The following NUBPL variants were observed in gnomAD, a reference collection of about 807,000 sequenced individuals.
The protein encoded by NUBPL is iron-sulfur cluster transfer protein NUBPL.
In NUBPL, 31 loss-of-function variants were observed where a neutral mutation model predicts 45.7. The observed-to-expected ratio is 0.68, with a 90% CI of 0.51 to 0.92. The LOEUF is 0.92. Ranked by LOEUF, NUBPL falls within the 40% of genes least tolerant of loss-of-function variation. The pLI is 0.00. For synonymous variants in NUBPL, 144 were observed against 140.9 expected (o/e 1.02, Z -0.15); for missense variants, 401 against 398.7 (o/e 1.01, Z -0.05).
chr14:31,799,317 C>G (rs1377499977), intron 7 of NUBPL, among the ~76,000 whole-genome samples: 1 of 152,072 alleles, frequency 6.6e-6, no homozygotes, highest in African/African-American at 2.4e-5. Flanking sequence ...CATTCATTAT[C>G]TTATTTGATC....
At chr14:31,680,550 T>A (rs1469189661) in intron 6 of NUBPL, among the ~76,000 whole-genome samples, 1 of 152,264 alleles carries the variant, frequency 6.6e-6, no homozygotes, top group South Asian at 2.1e-4. Context: ...CTGATGTTAA[T>A]GTTTTCTTGA....
At chr14:31,616,497 G>GTTT (rs72526360) in intron 4 of NUBPL, among the ~76,000 whole-genome samples, 2 of 150,848 alleles carry the variant, frequency 1.3e-5, no homozygotes, top group African/African-American at 4.9e-5. Context: ...TGGCTAGCCA[G>GTTT]TTTTTTTTTA....
At chr14:31,691,390 G>A (rs924526438) in intron 6 of NUBPL, among the ~76,000 whole-genome samples, 15 of 152,132 alleles carry the variant, frequency 9.9e-5, no homozygotes, top group Admixed American at 9.2e-4. Flanking sequence ...TATTGGTAAG[G>A]CTTCTGATCA....
At chr14:31,736,669 G>A (rs1335934809) in intron 6 of NUBPL, among the ~76,000 whole-genome samples, 1 of 152,124 alleles carries the variant, frequency 6.6e-6, no homozygotes, top group African/African-American at 2.4e-5. Flanking sequence ...ACATCCATGT[G>A]TATGTTTTAT....
intron 4 of NUBPL, among the ~76,000 whole-genome samples, chr14:31,602,405 G>GAA (rs35973457): frequency 1.4e-4 from 21 of 145,212 alleles, no homozygotes; most frequent in East Asian, 1.4e-3. Context: ...AAAAAAAAAA[G>GAA]AAAAAAAAAG....
chr14:31,810,672 G>T (rs1199556599), intron 7 of NUBPL, among the ~76,000 whole-genome samples: 5 of 152,162 alleles, frequency 3.3e-5, no homozygotes, highest in Admixed American at 3.3e-4. Flanking sequence ...GATGTTAGCT[G>T]ATTATTTTGT....
At chr14:31,590,634 C>T (rs1364507356) in intron 3 of NUBPL, among the ~76,000 whole-genome samples, 1 of 152,202 alleles carries the variant, frequency 6.6e-6, no homozygotes, top group Non-Finnish European at 1.5e-5. Context: ...AGTTTTCCAG[C>T]ATCTTTGCTG....
At position 31,846,577 on chromosome 14, in the gene NUBPL, G is replaced by A; in HGVS notation, c.800G>A (p.Gly267Asp). ...DGARKLAQTLGLEVLGDIPLH... is the reference protein window; with the variant it reads ...DGARKLAQTLDLEVLGDIPLH... ...GCAAGGAAACTAGCACAGACCCTTGGTCTTGAAGTTCTAGGTAAGACTGTG... is the reference window on the plus strand; with the variant it reads ...GCAAGGAAACTAGCACAGACCCTTGATCTTGAAGTTCTAGGTAAGACTGTG... Residue 267 changes from glycine to aspartate, a missense_variant, in exon 9 of 11, where the codon GGT becomes GAT. Coordinates refer to ENST00000281081, the MANE Select transcript of NUBPL (RefSeq NM_025152.3). 2 of 1,613,678 alleles carry A rather than the reference G, an allele frequency of 1.2e-6. No homozygotes were observed. Among genetic ancestry groups the A allele is most frequent in the Non-Finnish European group, 1.7e-6 (2 of 1,179,858 alleles).
chr14:31,712,512 C>G lies in NUBPL; in HGVS notation c.513+38938C>G, dbSNP rs569583956. On this transcript the variant is annotated intron_variant, in intron 6 of 10. Coordinates refer to ENST00000281081, the MANE Select transcript of NUBPL (RefSeq NM_025152.3). ...GCAGCCCTGGCTCCCACCCATGCCT[C>G]TCCCTTCACACCTCCCTGCGAGCAG... Among the ~76,000 whole-genome samples the G allele has an allele frequency of 2.0e-5, 3 of 152,366 alleles. No individual in the cohort carries two copies. In the East Asian group the frequency reaches 5.8e-4, roughly 29 times the overall value.
chr14:31,610,509 T>C (rs1351167968), intron 4 of NUBPL, among the ~76,000 whole-genome samples: 1 of 147,408 alleles, frequency 6.8e-6, no homozygotes, highest in Non-Finnish European at 1.5e-5. Flanking sequence ...ATACCAATCC[T>C]ACTCAAACTG....
intron 4 of NUBPL, among the ~76,000 whole-genome samples, chr14:31,618,784 A>G (rs376148378): frequency 1.1e-4 from 16 of 152,134 alleles, no homozygotes; most frequent in South Asian, 2.1e-4. Flanking sequence ...GTAGATGTCT[A>G]TTAGGTCTGC....
chr14:31,765,641 T>A (rs1273184248), intron 6 of NUBPL, among the ~76,000 whole-genome samples: 1 of 152,138 alleles, frequency 6.6e-6, no homozygotes, highest in Non-Finnish European at 1.5e-5. Context: ...CAGGTTTTTT[T>A]TTTTTTGCCT....
intron 4 of NUBPL, among the ~76,000 whole-genome samples, chr14:31,652,148 A>G (rs1250163389): frequency 1.3e-5 from 2 of 152,192 alleles, no homozygotes; most frequent in Non-Finnish European, 2.9e-5. Context: ...ATTTGCAACT[A>G]TATGAGTAAA....
chr14:31,792,712 T>C (rs1326285698), intron 7 of NUBPL, among the ~76,000 whole-genome samples: 1 of 151,994 alleles, frequency 6.6e-6, no homozygotes, highest in Non-Finnish European at 1.5e-5. Context: ...AAAAAAAAAG[T>C]AGCAAACAAT....
intron 6 of NUBPL, among the ~76,000 whole-genome samples, chr14:31,683,747 A>G (rs1555328029): frequency 6.6e-6 from 1 of 151,372 alleles, no homozygotes; most frequent in Non-Finnish European, 1.5e-5. Context: ...GTTTTTCTTT[A>G]TCTTAAAAAT....
intron 10 of NUBPL, among the ~76,000 whole-genome samples, chr14:31,853,303 GC>G (rs1157931559): frequency 6.6e-6 from 1 of 152,136 alleles, no homozygotes; most frequent in Non-Finnish European, 1.5e-5. Flanking sequence ...AGATTCACCT[GC>G]TTTAGCCTCC....
chr14:31,621,097 C>G (rs1391682692), intron 4 of NUBPL, among the ~76,000 whole-genome samples: 2 of 152,184 alleles, frequency 1.3e-5, no homozygotes, highest in Non-Finnish European at 2.9e-5. Context: ...GTAAAACCGC[C>G]TACTCAGGGC....
At chr14:31,692,936 G>A (rs1289778538) in intron 6 of NUBPL, among the ~76,000 whole-genome samples, 1 of 152,066 alleles carries the variant, frequency 6.6e-6, no homozygotes, top group Non-Finnish European at 1.5e-5. Context: ...AATAATTAAT[G>A]ACCACATTCT....
At chr14:31,750,360 ATTTTTATTT>A (rs2038497899) in intron 6 of NUBPL, among the ~76,000 whole-genome samples, 1 of 127,644 alleles carries the variant, frequency 7.8e-6, no homozygotes, top group South Asian at 2.6e-4. Context: ...TTTTTTTTTA[ATTTTTATTT>A]TTTTTATTTT....
Sources: gnomAD v4.1 joint callset for allele counts (sites outside exome capture counted in the v4.1 genomes callset) on GRCh38, gnomAD v4.1.1 for gene constraint, MANE v1.5 for transcripts, NCBI Gene and HGNC (gene_info 2026-07-23, HGNC 2026-07-21) for gene names.